Variants in SHTN1 observed in about 807,000 individuals in gnomAD.
SHTN1 encodes the protein shootin-1.
A neutral mutation model predicts 83.1 loss-of-function variants in SHTN1; 42 were observed. The ratio of observed to expected loss-of-function variants is 0.51; its 90% CI spans 0.39 to 0.65. SHTN1 has a LOEUF of 0.65. Ranked by LOEUF, SHTN1 falls within the 30% of genes least tolerant of loss-of-function variation. The pLI, the probability that SHTN1 is intolerant of heterozygous loss-of-function variation, is 0.00. For missense variants in SHTN1, 622 were observed against 737.8 expected, an observed-to-expected ratio of 0.84 and a Z score of 1.82; for synonymous variants, 224 against 247.7, an observed-to-expected ratio of 0.90 and a Z score of 0.90.
intron 1 of SHTN1, among the ~76,000 whole-genome samples, chr10:116,981,746 GAAC>G (rs1230177837): frequency 6.6e-6 from 1 of 152,118 alleles, no homozygotes; most frequent in Non-Finnish European, 1.5e-5. Flanking sequence ...CATACAGAAT[GAAC>G]AATAAAGGCT....
chr10:117,009,275 T>C (rs767566422), upstream of SHTN1, among the ~76,000 whole-genome samples: 3 of 152,112 alleles, frequency 2.0e-5, no homozygotes, highest in Admixed American at 6.6e-5. Context: ...ATAAGACATA[T>C]AGATAATACA....
At chr10:117,043,798 T>G (rs1421741047) in intron 2 of SHTN1, among the ~76,000 whole-genome samples, 1 of 152,116 alleles carries the variant, frequency 6.6e-6, no homozygotes, top group East Asian at 1.9e-4. Context: ...GCTGTGATCA[T>G]GCTACTGCAC....
chr10:116,919,328 C>A (rs1184706429), intron 12 of SHTN1, among the ~76,000 whole-genome samples: 1 of 152,158 alleles, frequency 6.6e-6, no homozygotes, highest in Non-Finnish European at 1.5e-5. Flanking sequence ...GTACAGTATG[C>A]ATTATTCAAG....
intron 6 of SHTN1, 80 bp from the exon 7 acceptor site, chr10:116,949,077 C>T (rs933208344): frequency 3.7e-6 from 5 of 1,338,310 alleles, no homozygotes; most frequent in Non-Finnish European, 3.9e-6. Flanking sequence ...TACTCAATTG[C>T]TGTTCAACTT....
At chr10:116,943,563 A>G (rs939684977) in intron 8 of SHTN1, among the ~76,000 whole-genome samples, 1 of 152,190 alleles carries the variant, frequency 6.6e-6, no homozygotes, top group Non-Finnish European at 1.5e-5. Context: ...CTTCCAAGTA[A>G]TAAGAGAAAA....
At chr10:116,905,237 G>A (rs991801647) in intron 15 of SHTN1, among the ~76,000 whole-genome samples, 1 of 150,952 alleles carries the variant, frequency 6.6e-6, no homozygotes, top group Non-Finnish European at 1.5e-5. Flanking sequence ...AAATAGCAGT[G>A]TTTACATGAG....
intron 5 of SHTN1, among the ~76,000 whole-genome samples, chr10:116,953,266 G>T (rs1417180076): frequency 6.6e-6 from 1 of 152,120 alleles, no homozygotes; most frequent in South Asian, 2.1e-4. Flanking sequence ...ATATGATCTT[G>T]CCTTACAACA....
chr10:116,942,057 G>C (rs1300318699), intron 8 of SHTN1, among the ~76,000 whole-genome samples: 1 of 152,174 alleles, frequency 6.6e-6, no homozygotes, highest in East Asian at 1.9e-4. Context: ...AGACTGCAGT[G>C]AGGAAGAGTA....
intron 1 of SHTN1, among the ~76,000 whole-genome samples, chr10:117,102,065 T>TAA (rs199716651): frequency 9.6e-4 from 131 of 136,946 alleles, no homozygotes; most frequent in African/African-American, 3.3e-3. Flanking sequence ...ACTTTGTTCT[T>TAA]AAAAAAAAAA....
intron 12 of SHTN1, among the ~76,000 whole-genome samples, chr10:116,916,318 C>A (rs547088088): frequency 1.3e-5 from 2 of 152,154 alleles, no homozygotes; most frequent in Non-Finnish European, 2.9e-5. Flanking sequence ...AATCACAGAA[C>A]CATTTCAGAA....
intron 1 of SHTN1, among the ~76,000 whole-genome samples, chr10:117,091,043 C>T (rs1476882910): frequency 3.3e-5 from 5 of 152,046 alleles, no homozygotes; most frequent in Non-Finnish European, 1.5e-5. Flanking sequence ...CTAAATTATC[C>T]TCTGGAAGAG....
At chr10:116,979,441 G>A (rs1343419636) in intron 1 of SHTN1, 133 bp from the exon 2 acceptor site, 9 of 699,754 alleles carry the variant, frequency 1.3e-5, no homozygotes, top group Admixed American at 2.6e-5. Flanking sequence ...CAGAAAAGGG[G>A]CTTCTGCTTT....
At chr10:116,910,618 G>C (rs901568211) in intron 14 of SHTN1, among the ~76,000 whole-genome samples, 2 of 152,132 alleles carry the variant, frequency 1.3e-5, no homozygotes, top group Non-Finnish European at 2.9e-5. Flanking sequence ...ACTCAGTATA[G>C]TCTACTCTTT....
In SHTN1 at chr10:116,881,657, A is replaced by G; in HGVS notation, c.*4687T>C. 6.5e-7 allele frequency: 1 copy of G among 1,545,834 alleles called. No homozygotes were observed. The highest frequency in any genetic ancestry group is 8.7e-7 in the Non-Finnish European group (1 of 1,144,812). ...TAGAGGAATCAGCCGAAACAGGAGC[A>G]TCCTCTGGATAGGGCTGTACACACC... On this transcript the variant is annotated 3_prime_UTR_variant, in exon 17 of 17. Coordinates refer to ENST00000355371, the MANE Select transcript of SHTN1 (RefSeq NM_001127211.3).
At chr10:117,021,861 A>C (rs1852267818) in intron 2 of SHTN1, among the ~76,000 whole-genome samples, 1 of 152,228 alleles carries the variant, frequency 6.6e-6, no homozygotes, top group Non-Finnish European at 1.5e-5. Flanking sequence ...GCTGTGGTAT[A>C]GGACTTAGCT....
At chr10:117,078,951 G>A (rs1303455746) in intron 1 of SHTN1, among the ~76,000 whole-genome samples, 1 of 151,518 alleles carries the variant, frequency 6.6e-6, no homozygotes, top group Admixed American at 6.6e-5. Context: ...AGTAGTGATG[G>A]CCCTGCTTTA....
intron 11 of SHTN1, among the ~76,000 whole-genome samples, chr10:116,924,370 G>A (rs1364537681): frequency 6.6e-6 from 1 of 150,380 alleles, no homozygotes; most frequent in Admixed American, 6.8e-5. Flanking sequence ...TAAAGACGAT[G>A]AAGCAGGAAT....
upstream of SHTN1, among the ~76,000 whole-genome samples, chr10:117,007,226 C>T (rs759245316): frequency 6.6e-5 from 10 of 151,794 alleles, no homozygotes; most frequent in African/African-American, 2.2e-4. Flanking sequence ...AGTTGGGAAA[C>T]CTGTTAAACC....
intron 2 of SHTN1, among the ~76,000 whole-genome samples, chr10:116,972,456 A>C (rs1850650395): frequency 6.6e-6 from 1 of 152,220 alleles, no homozygotes; most frequent in Non-Finnish European, 1.5e-5. Context: ...CTAAAAGCAG[A>C]AATCCAAACA....
Sources: allele counts gnomAD v4.1 joint callset (sites outside exome capture counted in the v4.1 genomes callset), GRCh38; gene constraint gnomAD v4.1.1; transcripts MANE v1.5; gene names NCBI Gene and HGNC (gene_info 2026-07-23, HGNC 2026-07-21).